ZNRF3: variants seen among roughly 807,000 people sequenced by gnomAD.
The protein encoded by ZNRF3 is zinc and ring finger 3.
A neutral mutation model predicts 72.5 loss-of-function variants in ZNRF3; 23 were observed. The ratio of observed to expected loss-of-function variants is 0.32; its 90% CI spans 0.23 to 0.45. ZNRF3 has a LOEUF of 0.45. Among genes scored for constraint, ZNRF3 ranks in the 20% least tolerant of loss-of-function variants. ZNRF3 has a pLI of 1.00. For synonymous variants in ZNRF3, 610 were observed against 545.3 expected, an observed-to-expected ratio of 1.12 and a Z score of -1.65; for missense variants, 1,169 against 1,272.1, an observed-to-expected ratio of 0.92 and a Z score of 1.23.
At chr22:28,983,260 C>T (rs1426748146) in intron 1 of ZNRF3, among the ~76,000 whole-genome samples, 1 of 152,130 alleles carries the variant, frequency 6.6e-6, no homozygotes, top group African/African-American at 2.4e-5. Flanking sequence ...GAAGGAATGA[C>T]TGCTTAGGAG....
Position 29,049,716 on chromosome 22 carries a change from T to G in ZNRF3, c.1535T>G (p.Val512Gly). The G allele has an allele frequency of 6.2e-7, 1 of 1,602,014 alleles. No individual in the cohort carries two copies. The highest frequency in any genetic ancestry group is 2.2e-5 in the East Asian group (1 of 44,702). The change falls in exon 8 of 9, where the codon GTG becomes GGG. Residue 512 changes from valine to glycine, a missense_variant. Physicochemically the swap from Val to Gly is moderately radical, Grantham distance 109. Transcript: ENST00000544604. This position sits in a 1 kb window ranked among gnomAD's most constrained non-coding sequence, Gnocchi z 5.2. ...AGTGGCAGCCTGCTCTTCCCCACCGTGGTGCACGTGGCCCCGCCCTCCCAC... is the reference window on the plus strand; with the variant it reads ...AGTGGCAGCCTGCTCTTCCCCACCGGGGTGCACGTGGCCCCGCCCTCCCAC... ...SGSGSLLFPT[V>G]VHVAPPSHLE...
rs12169315 is a variant in ZNRF3, at chr22:28,897,707, C to T, written c.300+13641C>T. Among the ~76,000 whole-genome samples the T allele has an allele frequency of 3.0e-3, 453 of 152,322 alleles. 2 individuals carry two copies. The highest frequency in any genetic ancestry group is 9.4e-3 in the African/African-American group (392 of 41,572). The stretch of plus-strand genomic sequence containing the variant: ...CGTCTTTGCTTTCCACTGTCTTTTT[C>T]CTGTCCTAGCTCCTCCCATCTGCAG... On this transcript the variant is annotated intron_variant, in intron 1 of 8. Coordinates refer to ENST00000544604, the MANE Select transcript of ZNRF3 (RefSeq NM_001206998.2).
chr22:28,961,548 G>A (rs959261904), intron 1 of ZNRF3, among the ~76,000 whole-genome samples: 1 of 152,160 alleles, frequency 6.6e-6, no homozygotes, highest in South Asian at 2.1e-4. Flanking sequence ...CAGGAGAATG[G>A]GGGATAAGGA....
At chr22:28,988,428 C>T (rs1239195219) in intron 2 of ZNRF3, among the ~76,000 whole-genome samples, 1 of 152,186 alleles carries the variant, frequency 6.6e-6, no homozygotes, top group Non-Finnish European at 1.5e-5. Flanking sequence ...TCCAGGTACC[C>T]TCACAGGTCT....
Position 29,050,963 on chromosome 22 carries a change from TG to T in ZNRF3, c.2767+17del. The stretch of plus-strand genomic sequence containing the variant: ...TGAGGCTGCAGGTGAGAGCAGGAAA[TG>T]GCAGTAGGTCAGAGCAGGAGTTTCC... On this transcript the variant is annotated intron_variant, in intron 8 of 8. Coordinates refer to ENST00000544604, the MANE Select transcript of ZNRF3 (RefSeq NM_001206998.2). 6.7e-7 allele frequency: 1 copy of T among 1,503,210 alleles called. No individual in the cohort carries two copies. The highest frequency in any genetic ancestry group is 1.3e-5 in the South Asian group (1 of 75,584). 93.1% of individuals were successfully genotyped at this position (1,503,210 alleles called of 1,614,324 possible).
chr22:28,888,329 A>G (rs972018360), intron 1 of ZNRF3, among the ~76,000 whole-genome samples: 1 of 152,168 alleles, frequency 6.6e-6, no homozygotes, highest in Admixed American at 6.5e-5. Flanking sequence ...TTTCATCTCC[A>G]TTTTAAGTTA....
intron 5 of ZNRF3, 94 bp downstream of exon 5, chr22:29,044,984 C>A: frequency 1.2e-6 from 1 of 852,924 alleles, no homozygotes; most frequent in Non-Finnish European, 2.0e-6. Context: ...TTTGATGGTG[C>A]AACATGGAGC....
At chr22:28,950,063 T>A (rs1485819523) in intron 1 of ZNRF3, among the ~76,000 whole-genome samples, 1 of 152,244 alleles carries the variant, frequency 6.6e-6, no homozygotes, top group Non-Finnish European at 1.5e-5. Context: ...AACTTTTATT[T>A]CAATTCCAAG....
chr22:28,992,336 G>GA (rs2035971503), intron 2 of ZNRF3, among the ~76,000 whole-genome samples: 1 of 152,036 alleles, frequency 6.6e-6, no homozygotes, highest in African/African-American at 2.4e-5. Flanking sequence ...TGAGGATTCT[G>GA]GGCTATGTCA....
Position 29,049,541 on chromosome 22 carries a change from C to T in ZNRF3, c.1360C>T (p.Arg454Cys), listed in dbSNP as rs866701418. The change falls in exon 8 of 9, where the codon CGC becomes TGC. Residue 454 changes from arginine to cysteine, a missense_variant. Arg to Cys is a radical substitution (Grantham distance 180). Transcript: ENST00000544604. This position sits in a 1 kb window ranked among gnomAD's most constrained non-coding sequence, Gnocchi z 5.2. ...CTTCCGCAGGCCCAAGTTGAGTGGC[C>T]GCAGCTTCTCCAAGGCAGCTTGCTT... Reference protein sequence around the residue: ...HPFRRPKLSGRSFSKAACFSQ... With the variant: ...HPFRRPKLSGCSFSKAACFSQ... The T allele has an allele frequency of 8.7e-6, 14 of 1,604,112 alleles. No individual in the cohort carries two copies. In the African/African-American group the frequency reaches 1.1e-4, roughly 12 times the overall value.
intron 1 of ZNRF3, among the ~76,000 whole-genome samples, chr22:28,929,735 A>G (rs866767557): frequency 1.3e-4 from 20 of 152,316 alleles, no homozygotes; most frequent in South Asian, 1.2e-3. Flanking sequence ...ACACTTTAGC[A>G]GAAGCCTTGT....
chr22:29,004,767 G>C (rs891383595), intron 2 of ZNRF3, among the ~76,000 whole-genome samples: 1 of 152,196 alleles, frequency 6.6e-6, no homozygotes, highest in Non-Finnish European at 1.5e-5. Flanking sequence ...TGCAGTGGCG[G>C]CTCCTTTGAT....
intron 2 of ZNRF3, among the ~76,000 whole-genome samples, chr22:29,029,761 T>C (rs2072774): frequency 0.56 from 85,677 of 151,866 alleles, 24,467 homozygotes; most frequent in African/African-American, 0.64. Flanking sequence ...TTGAGAAGCA[T>C]AGCTGCCCCT....
chr22:29,024,370 C>A (rs930378743), intron 2 of ZNRF3, among the ~76,000 whole-genome samples: 4 of 147,554 alleles, frequency 2.7e-5, no homozygotes, highest in African/African-American at 7.4e-5. Context: ...AATAATTGCC[C>A]CTGTATTTGT....
intron 1 of ZNRF3, among the ~76,000 whole-genome samples, chr22:28,886,795 C>CA (rs948371911): frequency 5.5e-4 from 77 of 140,742 alleles, no homozygotes; most frequent in African/African-American, 6.8e-4. Flanking sequence ...CTGGTCTCTA[C>CA]AAAAAAAAAA....
chr22:28,984,777 C>T (rs982545503), intron 1 of ZNRF3, among the ~76,000 whole-genome samples: 1 of 152,158 alleles, frequency 6.6e-6, no homozygotes, highest in Non-Finnish European at 1.5e-5. Context: ...TTTCAGACTA[C>T]TCATTGTTTA....
chr22:28,899,012 A>T (rs1452540716), intron 1 of ZNRF3, among the ~76,000 whole-genome samples: 1 of 150,612 alleles, frequency 6.6e-6, no homozygotes, highest in Non-Finnish European at 1.5e-5. Context: ...ATATTCCAGA[A>T]TCTATGATAT....
At chr22:29,017,915 A>G (rs2036464404) in intron 2 of ZNRF3, 1 of 505,954 alleles carries the variant, frequency 2.0e-6, no homozygotes, top group African/African-American at 1.9e-5. Context: ...TGTGTCCTTA[A>G]GCATTGAAGC....
intron 1 of ZNRF3, among the ~76,000 whole-genome samples, chr22:28,978,867 TC>T: frequency 6.6e-6 from 1 of 152,158 alleles, no homozygotes; most frequent in East Asian, 1.9e-4. Flanking sequence ...TGCTTTTCAC[TC>T]CCCTCTTCTC....
Sources: gnomAD v4.1 joint callset for allele counts (sites outside exome capture counted in the v4.1 genomes callset) on GRCh38, gnomAD v4.1.1 for gene constraint, Gnocchi (gnomAD v3.1) non-coding constraint, MANE v1.5 for transcripts, NCBI Gene and HGNC (gene_info 2026-07-23, HGNC 2026-07-21) for gene names.